The following SPATS2 variants were observed in gnomAD, a reference collection of about 807,000 sequenced individuals.
SPATS2 encodes spermatogenesis associated serine rich 2.
Under a neutral mutation model 63.7 loss-of-function variants are expected in SPATS2, and 38 were observed. The observed-to-expected ratio is 0.60, with a 90% CI of 0.46 to 0.78. The LOEUF (loss-of-function observed/expected upper bound fraction) is 0.78. SPATS2 is among the 30% of genes least tolerant of loss of function. The pLI, the probability that SPATS2 is intolerant of heterozygous loss-of-function variation, is 0.00. For synonymous variants in SPATS2, 207 were observed against 232.9 expected, an observed-to-expected ratio of 0.89 and a Z score of 1.01; for missense variants, 588 against 666.2, an observed-to-expected ratio of 0.88 and a Z score of 1.29.
chr12:49,393,931 C>T (rs1017545381), intron 2 of SPATS2, among the ~76,000 whole-genome samples: 3 of 152,170 alleles, frequency 2.0e-5, no homozygotes, highest in East Asian at 1.9e-4. Context: ...ATCTTCCTGC[C>T]TCAAGTGATT....
intron 3 of SPATS2, among the ~76,000 whole-genome samples, chr12:49,465,506 A>G (rs560880999): frequency 8.9e-4 from 136 of 152,124 alleles, no homozygotes; most frequent in African/African-American, 2.2e-3. Context: ...TTTTGGTGAA[A>G]TGTCTGTTCA....
intron 2 of SPATS2, among the ~76,000 whole-genome samples, chr12:49,386,878 TG>T (rs1231263638): frequency 1.3e-5 from 2 of 152,014 alleles, no homozygotes; most frequent in East Asian, 3.9e-4. Context: ...ACAAGATCAG[TG>T]GAAGTGAGAA....
chr12:49,393,772 G>A (rs1405674252), intron 2 of SPATS2, among the ~76,000 whole-genome samples: 1 of 152,074 alleles, frequency 6.6e-6, no homozygotes, highest in African/African-American at 2.4e-5. Flanking sequence ...TAGCTTTTCT[G>A]TTTTATAGCA....
Position 49,436,638 on chromosome 12 carries a change from G to A in SPATS2, c.-243-24132G>A, listed in dbSNP as rs1455917875. On this transcript the variant is annotated intron_variant, in intron 2 of 13. Transcript: ENST00000552918. ...CCCCCACCTCCCTCCCGGACGGGGC[G>A]GCTGGCCGGGCAGAGGGGCTCCTCT... Among the ~76,000 whole-genome samples, 27 of 127,406 alleles carry A rather than the reference G, an allele frequency of 2.1e-4. No homozygotes were observed. The South Asian group carries it at 5.4e-3, about 26-fold the overall frequency. 83.6% of individuals were successfully genotyped at this position (127,406 alleles called of 152,430 possible).
At chr12:49,502,122 A>G (rs1946576458) in intron 9 of SPATS2, among the ~76,000 whole-genome samples, 2 of 152,158 alleles carry the variant, frequency 1.3e-5, no homozygotes, top group East Asian at 3.8e-4. Flanking sequence ...TGTTCATGAA[A>G]AGAACAAACC....
chr12:49,457,100 G>T (rs567335235), intron 2 of SPATS2, among the ~76,000 whole-genome samples: 11 of 150,116 alleles, frequency 7.3e-5, no homozygotes, highest in African/African-American at 2.7e-4. Flanking sequence ...AGCTTTTTTT[G>T]AATTCAACTT....
chr12:49,512,918 C>A (rs1003996973), intron 9 of SPATS2: 29 of 1,288,566 alleles, frequency 2.3e-5, no homozygotes, highest in Non-Finnish European at 2.8e-5. Flanking sequence ...TTGGGAAATG[C>A]TTTCTTAGCA....
At chr12:49,499,280 C>T (rs1280324522) in intron 8 of SPATS2, among the ~76,000 whole-genome samples, 1 of 152,184 alleles carries the variant, frequency 6.6e-6, no homozygotes, top group Admixed American at 6.5e-5. Flanking sequence ...GTTGCTGAGG[C>T]AGTATCCTTC....
intron 11 of SPATS2, among the ~76,000 whole-genome samples, chr12:49,520,408 G>A (rs913894384): frequency 1.3e-5 from 2 of 151,854 alleles, no homozygotes; most frequent in East Asian, 1.9e-4. Flanking sequence ...GTGAGCCACC[G>A]CGCCCGGCCC....
At chr12:49,457,443 T>A (rs1053561854) in intron 2 of SPATS2, among the ~76,000 whole-genome samples, 1 of 152,124 alleles carries the variant, frequency 6.6e-6, no homozygotes, top group Non-Finnish European at 1.5e-5. Context: ...ATCCTCTTTT[T>A]TTTTTTTGAC....
At chr12:49,446,631 T>C (rs768251717) in intron 2 of SPATS2, among the ~76,000 whole-genome samples, 3 of 152,050 alleles carry the variant, frequency 2.0e-5, no homozygotes, top group Non-Finnish European at 4.4e-5. Context: ...GCTTCAAATC[T>C]GTCTTTCCCC....
chr12:49,452,924 G>A (rs372792890), intron 2 of SPATS2, among the ~76,000 whole-genome samples: 4 of 151,852 alleles, frequency 2.6e-5, no homozygotes, highest in African/African-American at 7.3e-5. Context: ...TTGGGAGGCC[G>A]AGGCGGGCGG....
chr12:49,480,424 A>G (rs1946186099), intron 3 of SPATS2, among the ~76,000 whole-genome samples: 1 of 152,174 alleles, frequency 6.6e-6, no homozygotes. Context: ...TGTATTTAGT[A>G]TTGTACAGTT....
In SPATS2 at chr12:49,460,831, CA is replaced by C. The variant is rs1945809164; in HGVS notation, c.-180del. On this transcript the variant is annotated 5_prime_UTR_variant, in exon 3 of 14. The change creates a premature stop within an existing upstream ORF in the 5' untranslated region. Coordinates refer to ENST00000552918, the MANE Select transcript of SPATS2 (RefSeq NM_023071.4). ...GATACTTCCTGACAAGAAGTTGATA[CA>C]AGAAAAGGAAAGGAGATTAACAGCT... The C allele has an allele frequency of 7.9e-6, 5 of 632,606 alleles. No individual in the cohort carries two copies. Among genetic ancestry groups the C allele is most frequent in the Non-Finnish European group, 1.1e-5 (4 of 350,182 alleles). The allele number at this position is 632,606 out of a possible 1,614,324, so 39.2% of individuals were successfully genotyped here.
intron 4 of SPATS2, among the ~76,000 whole-genome samples, chr12:49,485,754 T>C (rs1946280822): frequency 6.8e-6 from 1 of 146,976 alleles, no homozygotes; most frequent in African/African-American, 2.5e-5. Flanking sequence ...CTTTATGGGC[T>C]CTCTTTTTTT....
At chr12:49,455,966 TCTC>T (rs1250133569) in intron 2 of SPATS2, among the ~76,000 whole-genome samples, 2 of 152,162 alleles carry the variant, frequency 1.3e-5, no homozygotes, top group Non-Finnish European at 2.9e-5. Context: ...TTCTATCTAA[TCTC>T]CTGTTCTTTT....
intron 9 of SPATS2, among the ~76,000 whole-genome samples, chr12:49,504,030 T>G (rs891619776): frequency 6.6e-6 from 1 of 152,194 alleles, no homozygotes; most frequent in African/African-American, 2.4e-5. Flanking sequence ...ACCACCTTAT[T>G]TCAATGTTCC....
rs368190177 is a variant in SPATS2, at chr12:49,484,731, G to A, written c.105+62G>A. ...CATAGGAAAATTTAGGTACTAATAC[G>A]ACTAGTGGCTACCACAAACTCATTA... is the stretch of plus-strand genomic sequence containing the variant. On this transcript the variant is annotated intron_variant, in intron 4 of 13. Coordinates refer to ENST00000552918, the MANE Select transcript of SPATS2 (RefSeq NM_023071.4). The A allele has an allele frequency of 2.4e-5, 34 of 1,416,924 alleles. No homozygotes were observed. The African/African-American group carries it at 3.4e-4, about 14-fold the overall frequency. 87.8% of individuals were successfully genotyped at this position (1,416,924 alleles called of 1,614,324 possible).
At chr12:49,456,140 C>T (rs1945714863) in intron 2 of SPATS2, among the ~76,000 whole-genome samples, 1 of 152,124 alleles carries the variant, frequency 6.6e-6, no homozygotes, top group South Asian at 2.1e-4. Flanking sequence ...TGCTGGTTTT[C>T]ATGGCTTTCC....
Sources: allele counts gnomAD v4.1 joint callset (sites outside exome capture counted in the v4.1 genomes callset), GRCh38; gene constraint gnomAD v4.1.1; transcripts MANE v1.5; gene names NCBI Gene and HGNC (gene_info 2026-07-23, HGNC 2026-07-21).